The following PARD3 variants were observed in gnomAD, a reference collection of about 807,000 sequenced individuals.
PARD3 encodes partitioning defective 3 homolog.
A neutral mutation model predicts 155.4 loss-of-function variants in PARD3; 75 were observed. That is an observed-to-expected ratio of 0.48 (90% CI 0.40 to 0.58). PARD3 has a LOEUF of 0.58. Ranked by LOEUF, PARD3 falls within the 20% of genes least tolerant of loss-of-function variation. The probability of loss-of-function intolerance (pLI) is 0.00; values close to 1 mark genes in which losing one functional copy is unlikely to be tolerated. For synonymous variants in PARD3, 576 were observed against 610.5 expected (o/e 0.94, Z 0.83); for missense variants, 1,642 against 1,721.7 (o/e 0.95, Z 0.82).
At chr10:34,151,843 T>A (rs1948796311) in intron 22 of PARD3, among the ~76,000 whole-genome samples, 1 of 152,166 alleles carries the variant, frequency 6.6e-6, no homozygotes, top group Non-Finnish European at 1.5e-5. Context: ...TATCTCTAAA[T>A]CTTTATAGTA....
At chr10:34,759,467 C>G (rs1837164363) in intron 1 of PARD3, among the ~76,000 whole-genome samples, 1 of 152,212 alleles carries the variant, frequency 6.6e-6, no homozygotes, top group Admixed American at 6.5e-5. Flanking sequence ...TGACTGGTAT[C>G]TATTCCACGC....
intron 5 of PARD3, among the ~76,000 whole-genome samples, chr10:34,430,471 C>T (rs944242041): frequency 5.9e-5 from 9 of 152,078 alleles, no homozygotes; most frequent in Admixed American, 2.6e-4. Context: ...GGATAAGCAG[C>T]GAGAAGAAAA....
At chr10:34,270,011 T>C (rs893681272) in intron 21 of PARD3, 112 bp from the exon 22 acceptor site, 12 of 1,080,218 alleles carry the variant, frequency 1.1e-5, no homozygotes, top group Non-Finnish European at 1.6e-5. Flanking sequence ...CTTGCAGCTA[T>C]AGAAGATCAG....
intron 2 of PARD3, among the ~76,000 whole-genome samples, chr10:34,640,149 G>A (rs1369053160): frequency 2.0e-5 from 3 of 152,168 alleles, no homozygotes; most frequent in African/African-American, 7.2e-5. Context: ...AGGGTGGAGT[G>A]CACCATGACA....
chr10:34,502,054 T>C (rs1378832966), intron 3 of PARD3, among the ~76,000 whole-genome samples: 1 of 152,196 alleles, frequency 6.6e-6, no homozygotes, highest in East Asian at 1.9e-4. Context: ...AAGCCTTCAC[T>C]AGACACCAAA....
intron 2 of PARD3, among the ~76,000 whole-genome samples, chr10:34,695,882 C>T (rs925759973): frequency 6.6e-6 from 1 of 152,164 alleles, no homozygotes; most frequent in Admixed American, 6.5e-5. Context: ...CACAGGAGCA[C>T]GGTGCACCGC....
At chr10:34,507,548 C>CAAAAACAAAAAAA (rs2081148141) in intron 3 of PARD3, among the ~76,000 whole-genome samples, 1 of 43,002 alleles carries the variant, frequency 2.3e-5, no homozygotes, top group African/African-American at 1.1e-4. Flanking sequence ...ATTAAAAAAA[C>CAAAAACAAAAAAA]AAAAAAAAAA....
intron 19 of PARD3, among the ~76,000 whole-genome samples, chr10:34,330,731 G>C (rs1343779740): frequency 6.6e-6 from 1 of 152,056 alleles, no homozygotes; most frequent in Non-Finnish European, 1.5e-5. Context: ...TTAAAAACAA[G>C]CAACTTCGTG....
intron 5 of PARD3, among the ~76,000 whole-genome samples, chr10:34,448,710 G>GT (rs1485431688): frequency 1.3e-5 from 2 of 151,886 alleles, no homozygotes; most frequent in African/African-American, 4.8e-5. Flanking sequence ...GGAGGATGAG[G>GT]TAAGAGAACA....
intron 2 of PARD3, among the ~76,000 whole-genome samples, chr10:34,625,696 T>A (rs2091947029): frequency 2.0e-5 from 3 of 152,180 alleles, no homozygotes; most frequent in Non-Finnish European, 4.4e-5. Flanking sequence ...GTGGATCACC[T>A]GAGGTCGGGA....
chr10:34,780,235 C>T lies in PARD3; in HGVS notation c.120+34641G>A, dbSNP rs557639223. ...AATCACCAAATACCTTCCTGGTTTT[C>T]CATTTCTACCTCCTGACCTGAATGC... On this transcript the variant is annotated intron_variant, in intron 1 of 24. Coordinates refer to ENST00000374788, the MANE Select transcript of PARD3 (RefSeq NM_001184785.2). 3.3e-5 allele frequency among the ~76,000 whole-genome samples: 5 copies of T among 152,342 alleles called. 1 individual carries two copies. The highest frequency in any genetic ancestry group is 1.2e-4 in the African/African-American group (5 of 41,588).
At chr10:34,314,691 C>T (rs1232561673) in intron 20 of PARD3, among the ~76,000 whole-genome samples, 7 of 152,106 alleles carry the variant, frequency 4.6e-5, no homozygotes, top group East Asian at 1.9e-4. Flanking sequence ...AACACGGGGC[C>T]GGGAAAAGCT....
At chr10:34,232,992 G>A (rs1469790678) in intron 22 of PARD3, among the ~76,000 whole-genome samples, 3 of 144,946 alleles carry the variant, frequency 2.1e-5, no homozygotes, top group South Asian at 2.1e-4. Flanking sequence ...CTGAGCCACC[G>A]TGCCCGGCCC....
intron 5 of PARD3, among the ~76,000 whole-genome samples, chr10:34,447,905 C>A (rs540079830): frequency 3.3e-5 from 5 of 151,998 alleles, no homozygotes; most frequent in South Asian, 2.1e-4. Context: ...ATTAGGACAG[C>A]CTCTATGAAA....
At chr10:34,397,674 GTTCACTTTACCCTAATATCC>G (rs1843466850) in intron 7 of PARD3, among the ~76,000 whole-genome samples, 1 of 152,050 alleles carries the variant, frequency 6.6e-6, no homozygotes, top group Non-Finnish European at 1.5e-5. Context: ...CTTTTCATCT[GTTCACTTTACCCTAATATCC>G]TTTCACAGTG....
At chr10:34,207,832 A>G (rs192468662) in intron 22 of PARD3, among the ~76,000 whole-genome samples, 1 of 152,338 alleles carries the variant, frequency 6.6e-6, no homozygotes, top group Non-Finnish European at 1.5e-5. Context: ...AGAATGAACA[A>G]CATCGAGGCT....
chr10:34,362,160 G>A (rs184612669), intron 12 of PARD3, among the ~76,000 whole-genome samples: 3 of 152,134 alleles, frequency 2.0e-5, no homozygotes, highest in South Asian at 2.1e-4. Context: ...TTAGCCAGGC[G>A]TGGTGGCGGG....
intron 2 of PARD3, among the ~76,000 whole-genome samples, chr10:34,691,983 A>G (rs1445756247): frequency 6.6e-6 from 1 of 152,260 alleles, no homozygotes; most frequent in Non-Finnish European, 1.5e-5. Context: ...CTGTAATCCC[A>G]GTACTTTGGA....
chr10:34,261,966 GTC>G (rs1955051505), intron 22 of PARD3, among the ~76,000 whole-genome samples: 1 of 152,198 alleles, frequency 6.6e-6, no homozygotes, highest in African/African-American at 2.4e-5. Context: ...ATAAAGCTGT[GTC>G]TGACAGAAAT....
Sources: gnomAD v4.1 joint callset for allele counts (sites outside exome capture counted in the v4.1 genomes callset) on GRCh38, gnomAD v4.1.1 for gene constraint, MANE v1.5 for transcripts, NCBI Gene and HGNC (gene_info 2026-07-23, HGNC 2026-07-21) for gene names.